PPP1R12B: variants seen among roughly 807,000 people sequenced by gnomAD.
PPP1R12B encodes protein phosphatase 1 regulatory subunit 12B, also known as myosin phosphatase target subunit 2.
A neutral mutation model predicts 126.1 loss-of-function variants in PPP1R12B; 76 were observed. The ratio of observed to expected loss-of-function variants is 0.60; its 90% confidence interval spans 0.50 to 0.73. The LOEUF is 0.73. Ranked by LOEUF, PPP1R12B falls within the 30% of genes least tolerant of loss-of-function variation. PPP1R12B has a pLI of 0.00. For missense variants in PPP1R12B, 1,052 were observed against 1,205.1 expected (o/e 0.87, Z 1.88); for synonymous variants, 356 against 434.7 (o/e 0.82, Z 2.25).
chr1:202,573,713 G>C (rs892343129), intron 23 of PPP1R12B, among the ~76,000 whole-genome samples: 1 of 152,164 alleles, frequency 6.6e-6, no homozygotes, highest in Admixed American at 6.5e-5. Context: ...GTCTTTAAAT[G>C]TCTTATGGAA....
intron 1 of PPP1R12B, among the ~76,000 whole-genome samples, chr1:202,414,956 A>AT (rs1175251811): frequency 6.6e-6 from 1 of 151,640 alleles, no homozygotes; most frequent in African/African-American, 2.4e-5. Context: ...CTAATTTTTA[A>AT]TTTTTTTGCA....
At chr1:202,490,432 C>T (rs555292679) in intron 14 of PPP1R12B, among the ~76,000 whole-genome samples, 60 of 152,194 alleles carry the variant, frequency 3.9e-4, no homozygotes, top group African/African-American at 1.4e-3. Context: ...AGAATGTAAC[C>T]CCCAAGAGGA....
rs983933145 is a variant in PPP1R12B at position 202,565,317 on chromosome 1, G to A, written c.2757+770G>A. 6.6e-6 allele frequency among the ~76,000 whole-genome samples: 1 copy of A among 152,200 alleles called. No individual in the cohort carries two copies. The highest frequency in any genetic ancestry group is 1.5e-5 in the Non-Finnish European group (1 of 68,034). ...GAGTTATTTCCCTCCTAGAATGCCTGGGGACTTAGAATTTCGAAAGCTGAA... is the reference window on the plus strand; with the variant it reads ...GAGTTATTTCCCTCCTAGAATGCCTAGGGACTTAGAATTTCGAAAGCTGAA... On this transcript the variant is annotated intron_variant, in intron 21 of 23. Coordinates refer to ENST00000608999, the MANE Select transcript of PPP1R12B (RefSeq NM_002481.4). This position sits in a 1 kb window ranked among gnomAD's most constrained non-coding sequence, Gnocchi z 4.3.
chr1:202,375,235 C>T (rs545212552), intron 1 of PPP1R12B, among the ~76,000 whole-genome samples: 3 of 152,242 alleles, frequency 2.0e-5, no homozygotes, highest in Non-Finnish European at 4.4e-5. Flanking sequence ...TGAGCCACTG[C>T]ATCTGGCCTC....
At chr1:202,365,515 T>C (rs953064916) in intron 1 of PPP1R12B, among the ~76,000 whole-genome samples, 8 of 152,248 alleles carry the variant, frequency 5.3e-5, no homozygotes, top group African/African-American at 1.9e-4. Flanking sequence ...AAATTATCTT[T>C]ACATCAACAG....
intron 18 of PPP1R12B, among the ~76,000 whole-genome samples, chr1:202,523,974 A>G (rs1047222015): frequency 4.6e-5 from 7 of 152,112 alleles, no homozygotes; most frequent in African/African-American, 1.7e-4. Flanking sequence ...CGGCCTCCCA[A>G]AGTGCTGGGA....
chr1:202,371,805 GTT>G (rs1339960265), intron 1 of PPP1R12B, among the ~76,000 whole-genome samples: 1 of 145,738 alleles, frequency 6.9e-6, no homozygotes, highest in East Asian at 2.1e-4. Flanking sequence ...TTCAAAAGAA[GTT>G]TTTTTGTTGT....
At chr1:202,408,378 T>A (rs1190186433) in intron 1 of PPP1R12B, among the ~76,000 whole-genome samples, 1 of 152,238 alleles carries the variant, frequency 6.6e-6, no homozygotes, top group Non-Finnish European at 1.5e-5. Context: ...AAACTTTCTA[T>A]TTAATGTAGT....
chr1:202,534,647 GC>G (rs1258579099), intron 18 of PPP1R12B, among the ~76,000 whole-genome samples: 2 of 126,414 alleles, frequency 1.6e-5, no homozygotes, highest in African/African-American at 6.0e-5. Flanking sequence ...TTACTTATTT[GC>G]TCAATCCCTT....
At chr1:202,452,842 T>C (rs1673180415) in intron 13 of PPP1R12B, among the ~76,000 whole-genome samples, 1 of 152,090 alleles carries the variant, frequency 6.6e-6, no homozygotes, top group African/African-American at 2.4e-5. Flanking sequence ...CTTTTTTTTT[T>C]TTTAAATAGA....
chr1:202,369,004 C>G (rs1414159537), intron 1 of PPP1R12B, among the ~76,000 whole-genome samples: 1 of 152,218 alleles, frequency 6.6e-6, no homozygotes, highest in East Asian at 1.9e-4. Flanking sequence ...AGGCATGAGC[C>G]ACTATGCCCA....
intron 1 of PPP1R12B, among the ~76,000 whole-genome samples, chr1:202,359,649 C>T (rs1035580067): frequency 2.6e-5 from 3 of 116,664 alleles, no homozygotes; most frequent in African/African-American, 1.0e-4. Context: ...GGCGTGGTGG[C>T]GTGTGTCTGT....
At chr1:202,438,191 G>A (rs985579558) in intron 10 of PPP1R12B, 167 bp downstream of exon 10, 3 of 1,559,244 alleles carry the variant, frequency 1.9e-6, no homozygotes, top group East Asian at 4.6e-5. Context: ...GTAGCTATTT[G>A]CTTGCTATTG....
At chr1:202,478,379 C>T (rs1183010765) in intron 13 of PPP1R12B, among the ~76,000 whole-genome samples, 2 of 152,172 alleles carry the variant, frequency 1.3e-5, no homozygotes, top group Non-Finnish European at 2.9e-5. Context: ...GTAGTATGTT[C>T]TCAACGCAGC....
chr1:202,522,329 T>C (rs529877783), intron 18 of PPP1R12B, among the ~76,000 whole-genome samples: 2 of 152,242 alleles, frequency 1.3e-5, no homozygotes, highest in African/African-American at 4.8e-5. Flanking sequence ...ATTAAAGATG[T>C]AAATGTGTGC....
chr1:202,501,551 A>G (rs1680229015), intron 18 of PPP1R12B, among the ~76,000 whole-genome samples: 1 of 152,186 alleles, frequency 6.6e-6, no homozygotes, highest in Non-Finnish European at 1.5e-5. Context: ...CAGAAGACAA[A>G]TTGCCTTTGT....
At chr1:202,385,153 AT>A (rs1662925871) in intron 1 of PPP1R12B, among the ~76,000 whole-genome samples, 1 of 152,236 alleles carries the variant, frequency 6.6e-6, no homozygotes, top group Admixed American at 6.5e-5. Flanking sequence ...CCAACTTCAT[AT>A]AAGGTTTATG....
At chr1:202,570,782 C>T (rs1471885077) in intron 23 of PPP1R12B, among the ~76,000 whole-genome samples, 1 of 152,144 alleles carries the variant, frequency 6.6e-6, no homozygotes, top group East Asian at 1.9e-4. Flanking sequence ...CTCATCCTCC[C>T]GAATAGCTGG....
chr1:202,493,439 G>A, intron 15 of PPP1R12B, 122 bp downstream of exon 15: 12 of 1,101,202 alleles, frequency 1.1e-5, no homozygotes, highest in Non-Finnish European at 1.5e-5. Flanking sequence ...CACTCAGTAT[G>A]GCTGTCTTTA....
Sources: allele counts gnomAD v4.1 joint callset (sites outside exome capture counted in the v4.1 genomes callset), GRCh38; gene constraint gnomAD v4.1.1; non-coding constraint Gnocchi (gnomAD v3.1); transcripts MANE v1.5; gene names NCBI Gene and HGNC (gene_info 2026-07-23, HGNC 2026-07-21).